The following BFAR variants were observed in gnomAD, a reference collection of about 807,000 sequenced individuals.
BFAR encodes RING finger protein 47.
A neutral mutation model predicts 54.4 loss-of-function variants in BFAR; 52 were observed. That is an observed-to-expected ratio of 0.96 (90% confidence interval 0.77 to 1.21). The LOEUF is 1.21. Ranked by LOEUF, BFAR falls within the 50% of genes most tolerant of loss-of-function variation. The pLI, the probability that BFAR is intolerant of heterozygous loss-of-function variation, is 0.00. For missense variants in BFAR, 571 were observed against 534.0 expected (o/e 1.07, Z -0.68); for synonymous variants, 215 against 204.3 (o/e 1.05, Z -0.45).
intron 2 of BFAR, 115 bp from the exon 3 acceptor site, chr16:14,648,272 CA>C (rs1469410907): frequency 5.0e-5 from 38 of 760,408 alleles, no homozygotes; most frequent in Admixed American, 8.1e-5. Flanking sequence ...CATTTCTTGT[CA>C]GTTCTCCTAG....
At chr16:14,657,567 C>CA (rs1960164580) in intron 5 of BFAR, among the ~76,000 whole-genome samples, 1 of 149,804 alleles carries the variant, frequency 6.7e-6, no homozygotes, top group South Asian at 2.1e-4. Context: ...TTTTTTGAGA[C>CA]AGAGTCTCAC....
chr16:14,633,158 C>T (rs1204073105), intron 1 of BFAR, 140 bp downstream of exon 1: 2 of 152,380 alleles, frequency 1.3e-5, no homozygotes, highest in African/African-American at 4.8e-5. Context: ...CCTCTCCTCA[C>T]GCAGGCCCGA....
At chr16:14,666,877 T>C (rs16963833) in intron 7 of BFAR, among the ~76,000 whole-genome samples, 1,706 of 152,262 alleles carry the variant, frequency 0.011, 33 homozygotes, top group African/African-American at 0.039. Flanking sequence ...AGACAGTCTA[T>C]AGTGTGAGGC....
chr16:14,656,598 C>T (rs1960135652), intron 5 of BFAR, among the ~76,000 whole-genome samples: 1 of 152,202 alleles, frequency 6.6e-6, no homozygotes, highest in Admixed American at 6.5e-5. Flanking sequence ...TGCCTGTTTC[C>T]TCCTGGGTAA....
chr16:14,660,307 A>G (rs1378952765), intron 5 of BFAR, among the ~76,000 whole-genome samples: 2 of 151,942 alleles, frequency 1.3e-5, no homozygotes, highest in African/African-American at 2.4e-5. Flanking sequence ...TCTTTTTGAG[A>G]TGGAGTTTTG....
At chr16:14,646,171 A>G (rs2151838012) in intron 2 of BFAR, among the ~76,000 whole-genome samples, 1 of 152,196 alleles carries the variant, frequency 6.6e-6, no homozygotes, top group Middle Eastern at 3.4e-3. Context: ...CTCCTGCCTC[A>G]GCTTCCCTAA....
chr16:14,648,267 C>T, intron 2 of BFAR, 121 bp from the exon 3 acceptor site: 1 of 738,114 alleles, frequency 1.4e-6, no homozygotes. Flanking sequence ...TAATACATTT[C>T]TTGTCAGTTC....
chr16:14,667,122 A>G (rs1960462474), intron 7 of BFAR, among the ~76,000 whole-genome samples: 1 of 151,976 alleles, frequency 6.6e-6, no homozygotes, highest in Non-Finnish European at 1.5e-5. Context: ...GGATCACCTG[A>G]GCCGAGGAGT....
intron 4 of BFAR, among the ~76,000 whole-genome samples, chr16:14,651,184 G>T (rs1334718898): frequency 6.6e-6 from 1 of 152,192 alleles, no homozygotes; most frequent in Admixed American, 6.6e-5. Context: ...ACTAATTCTA[G>T]TCAGAAATCC....
At chr16:14,647,121 G>C (rs936890983) in intron 2 of BFAR, among the ~76,000 whole-genome samples, 1 of 151,642 alleles carries the variant, frequency 6.6e-6, no homozygotes, top group Non-Finnish European at 1.5e-5. Flanking sequence ...GTCTCGCTCT[G>C]TTGCCCAGGC....
intron 6 of BFAR, among the ~76,000 whole-genome samples, chr16:14,663,161 T>C (rs1428971491): frequency 6.6e-6 from 1 of 152,230 alleles, no homozygotes; most frequent in Non-Finnish European, 1.5e-5. Flanking sequence ...TTTTAGTTTT[T>C]ACTTCTTTCT....
intron 5 of BFAR, among the ~76,000 whole-genome samples, chr16:14,659,565 T>C (rs1161949526): frequency 6.7e-6 from 1 of 148,622 alleles, no homozygotes; most frequent in Non-Finnish European, 1.5e-5. Context: ...CTTCTTTTTT[T>C]TTTGAGATGG....
rs555024993 is a variant in BFAR, at chr16:14,636,648, G to A, written c.-74+3630G>A. On this transcript the variant is annotated intron_variant, in intron 1 of 7. Coordinates refer to ENST00000261658, the MANE Select transcript of BFAR (RefSeq NM_016561.3). ...TCTTGGCTCAACTGCAAAGAGGCAT[G>A]CCTTCCTCTTATGCTAATCCTCCTC... is the stretch of plus-strand genomic sequence containing the variant. Among the ~76,000 whole-genome samples, 4 of 152,348 alleles carry A rather than the reference G, an allele frequency of 2.6e-5. No individual in the cohort carries two copies. In the South Asian group the frequency reaches 6.2e-4, roughly 24 times the overall value.
chr16:14,638,514 G>A (rs1468032819), intron 1 of BFAR, among the ~76,000 whole-genome samples: 1 of 152,234 alleles, frequency 6.6e-6, no homozygotes, highest in African/African-American at 2.4e-5. Flanking sequence ...GTGAAGGGGT[G>A]CAACCATGAT....
chr16:14,666,033 T>C (rs1342289983), intron 7 of BFAR, among the ~76,000 whole-genome samples: 5 of 152,306 alleles, frequency 3.3e-5, no homozygotes, highest in Admixed American at 3.3e-4. Context: ...GTTTTCTGCC[T>C]CAGGCATCTC....
At chr16:14,635,062 C>T (rs1959390417) in intron 1 of BFAR, among the ~76,000 whole-genome samples, 1 of 152,172 alleles carries the variant, frequency 6.6e-6, no homozygotes, top group Non-Finnish European at 1.5e-5. Flanking sequence ...AGGCCAGGCA[C>T]GGTGGCTCAC....
In BFAR at chr16:14,648,380, CT is replaced by C. The variant is rs922588740; in HGVS notation, c.264-7del. 6.3e-7 allele frequency: 1 copy of C among 1,591,618 alleles called. No homozygotes were observed. The highest frequency in any genetic ancestry group is 1.4e-5 in the African/African-American group (1 of 73,402). On this transcript the variant is annotated splice_polypyrimidine_tract_variant and splice_region_variant and intron_variant, in intron 2 of 7. Coordinates refer to ENST00000261658, the MANE Select transcript of BFAR (RefSeq NM_016561.3). Reference sequence around the variant, plus strand: ...ACTGTCTTAATTTTTTTTTTCTATTCTCCATAGGGATGCCATTGAAAAGTTA... The same window carrying C: ...ACTGTCTTAATTTTTTTTTTCTATTCCCATAGGGATGCCATTGAAAAGTTA...
At chr16:14,638,873 A>T (rs1959534714) in intron 1 of BFAR, among the ~76,000 whole-genome samples, 1 of 151,932 alleles carries the variant, frequency 6.6e-6, no homozygotes. Flanking sequence ...TGAATCCAGG[A>T]GGCGGAGGTT....
chr16:14,640,820 A>G (rs931132197), intron 1 of BFAR, among the ~76,000 whole-genome samples: 1 of 152,218 alleles, frequency 6.6e-6, no homozygotes, highest in African/African-American at 2.4e-5. Context: ...CTGAGAGCCT[A>G]ATAAACCCTA....
Sources: allele counts gnomAD v4.1 joint callset (sites outside exome capture counted in the v4.1 genomes callset), GRCh38; gene constraint gnomAD v4.1.1; transcripts MANE v1.5; gene names NCBI Gene and HGNC (gene_info 2026-07-23, HGNC 2026-07-21).